Variants in DSCAM observed in about 807,000 individuals in gnomAD.
DSCAM encodes DS cell adhesion molecule.
In DSCAM, 47 loss-of-function variants were observed where a neutral mutation model predicts 217.7. That is an observed-to-expected ratio of 0.22 (90% CI 0.17 to 0.28). The LOEUF is 0.28. Ranked by LOEUF, DSCAM falls within the 10% of genes least tolerant of loss-of-function variation. The probability of loss-of-function intolerance (pLI) is 1.00; values close to 1 mark genes in which losing one functional copy is unlikely to be tolerated. For synonymous variants in DSCAM, 1,056 were observed against 1,015.3 expected (o/e 1.04, Z -0.76); for missense variants, 2,080 against 2,618.3 (o/e 0.79, Z 4.49).
intron 1 of DSCAM, among the ~76,000 whole-genome samples, chr21:40,783,558 T>C (rs1233188926): frequency 1.3e-5 from 2 of 152,078 alleles, no homozygotes; most frequent in Non-Finnish European, 2.9e-5. Flanking sequence ...GGACTTTAAT[T>C]GGGAAAGTAA....
chr21:40,106,208 T>A (rs955415516), intron 20 of DSCAM, among the ~76,000 whole-genome samples: 1 of 152,174 alleles, frequency 6.6e-6, no homozygotes. Flanking sequence ...TTCACTATCA[T>A]GAGAACAGCA....
At chr21:40,844,684 G>T in intron 1 of DSCAM, among the ~76,000 whole-genome samples, 1 of 151,154 alleles carries the variant, frequency 6.6e-6, no homozygotes, top group South Asian at 2.1e-4. Flanking sequence ...TTCTATGATT[G>T]TTTATTTTAG....
Position 40,133,923 on chromosome 21 carries a change from C to T in DSCAM, c.3493G>A (p.Val1165Met), listed in dbSNP as rs1459693958. The change falls in exon 19 of 33, where the codon GTG (valine) becomes ATG (methionine). Residue 1165 changes from valine (V) to methionine (M), a missense_variant. Around this residue, in one of 5 missense-constraint regions of DSCAM, gnomAD observed 1,144 missense variants for 1,421.1 expected, o/e 0.81. Coordinates refer to ENST00000400454, the MANE Select transcript of DSCAM (RefSeq NM_001389.5). Reference protein sequence around the residue: ...LEKYTNYSIQVLAFTRAGDGV... With the variant: ...LEKYTNYSIQMLAFTRAGDGV... ...TCTCCTGCGCGGGTGAAGGCCAGCA[C>T]CTGGATGCTGTAGTTGGTGTACTTT... The T allele has an allele frequency of 6.2e-7, 1 of 1,613,862 alleles. No homozygotes were observed. The highest frequency in any genetic ancestry group is 8.5e-7 in the Non-Finnish European group (1 of 1,179,878).
chr21:40,607,163 T>G (rs2089250678), intron 3 of DSCAM, among the ~76,000 whole-genome samples: 1 of 152,214 alleles, frequency 6.6e-6, no homozygotes, highest in Non-Finnish European at 1.5e-5. Flanking sequence ...CATTCTTACA[T>G]ACCTTTTCAG....
intron 1 of DSCAM, among the ~76,000 whole-genome samples, chr21:40,817,656 A>G (rs998580385): frequency 2.0e-5 from 3 of 152,186 alleles, no homozygotes; most frequent in Non-Finnish European, 4.4e-5. Flanking sequence ...AGACTTAAAA[A>G]TCTCTCCGAG....
intron 11 of DSCAM, among the ~76,000 whole-genome samples, chr21:40,226,345 C>T (rs773652656): frequency 2.6e-5 from 4 of 152,098 alleles, no homozygotes; most frequent in African/African-American, 7.2e-5. Context: ...AGTGGGTTCT[C>T]GGATTTTCTT....
At chr21:40,056,661 T>C (rs1322447026) in intron 28 of DSCAM, among the ~76,000 whole-genome samples, 1 of 152,184 alleles carries the variant, frequency 6.6e-6, no homozygotes, top group Admixed American at 6.5e-5. Flanking sequence ...CTTTACTAGA[T>C]GTTCAAATAG....
At chr21:40,146,449 G>A (rs564231738) in intron 16 of DSCAM, among the ~76,000 whole-genome samples, 7 of 152,252 alleles carry the variant, frequency 4.6e-5, no homozygotes, top group East Asian at 1.9e-4. Flanking sequence ...AGAAGGTTTC[G>A]AGCTGATGAA....
chr21:40,579,395 G>C (rs575520291), intron 3 of DSCAM, among the ~76,000 whole-genome samples: 13 of 152,096 alleles, frequency 8.5e-5, no homozygotes, highest in African/African-American at 2.9e-4. Flanking sequence ...TAGGCAATAT[G>C]AAAGAAAAGT....
At chr21:40,711,770 A>G (rs1195687567) in intron 1 of DSCAM, among the ~76,000 whole-genome samples, 2 of 152,184 alleles carry the variant, frequency 1.3e-5, no homozygotes, top group East Asian at 3.9e-4. Context: ...CTGAAGGTGC[A>G]TCCCACCTGA....
intron 3 of DSCAM, among the ~76,000 whole-genome samples, chr21:40,616,845 G>A (rs1400409881): frequency 6.6e-6 from 1 of 151,650 alleles, no homozygotes; most frequent in Non-Finnish European, 1.5e-5. Flanking sequence ...GTGAAACACC[G>A]ACTCTACTAA....
At chr21:40,533,621 C>T (rs8131579) in intron 3 of DSCAM, among the ~76,000 whole-genome samples, 3 of 140,666 alleles carry the variant, frequency 2.1e-5, no homozygotes, top group Non-Finnish European at 3.0e-5. Context: ...ATCCATCCAT[C>T]CATCCAACCC....
chr21:40,205,517 C>A (rs542007493), intron 11 of DSCAM, among the ~76,000 whole-genome samples: 2 of 151,160 alleles, frequency 1.3e-5, no homozygotes, highest in Non-Finnish European at 2.9e-5. Context: ...GCAGGAGAAT[C>A]GCTTAAACCC....
chr21:40,067,018 A>G (rs1206781734), intron 27 of DSCAM, among the ~76,000 whole-genome samples: 4 of 152,348 alleles, frequency 2.6e-5, no homozygotes, highest in African/African-American at 9.6e-5. Context: ...TGAAAATATA[A>G]TTAAGTCAAA....
At chr21:40,539,427 C>G (rs1451419764) in intron 3 of DSCAM, among the ~76,000 whole-genome samples, 1 of 151,492 alleles carries the variant, frequency 6.6e-6, no homozygotes, top group African/African-American at 2.4e-5. Flanking sequence ...ACCCGGGAGG[C>G]AGAGCTTGCA....
At chr21:40,249,652 A>C (rs1241785267) in intron 11 of DSCAM, among the ~76,000 whole-genome samples, 1 of 152,204 alleles carries the variant, frequency 6.6e-6, no homozygotes, top group Admixed American at 6.5e-5. Flanking sequence ...TTGTTCATGA[A>C]GGCAGCTGTC....
In DSCAM at chr21:40,267,753, G is replaced by A. The variant is rs569279025; in HGVS notation, c.2356+8344C>T. ...CTCTACTAAAATATAAAACTTAGACGGGCATGGTGGCAGGTGCCTGTAAGT... is the reference window on the plus strand; with the variant it reads ...CTCTACTAAAATATAAAACTTAGACAGGCATGGTGGCAGGTGCCTGTAAGT... On this transcript the variant is annotated intron_variant, in intron 11 of 32. Transcript: ENST00000400454. 9.2e-5 allele frequency among the ~76,000 whole-genome samples: 14 copies of A among 152,152 alleles called. 1 individual carries two copies. Among genetic ancestry groups the A allele is most frequent in the African/African-American group, 3.1e-4 (13 of 41,496 alleles).
At position 40,448,763 on chromosome 21, in the gene DSCAM, A is replaced by G. The variant is rs145135286; in HGVS notation, c.509-79518T>C. 6.8e-3 allele frequency among the ~76,000 whole-genome samples: 1,031 copies of G among 152,332 alleles called. 20 individuals are homozygous for G. Among genetic ancestry groups the G allele is most frequent in the African/African-American group, 0.024 (983 of 41,578 alleles). The stretch of plus-strand genomic sequence containing the variant: ...TTAGGAGTATATTCTCACAAAATCA[A>G]TTCAAAAATATAATTATGAGAGTTT... On this transcript the variant is annotated intron_variant, in intron 3 of 32. Coordinates refer to ENST00000400454, the MANE Select transcript of DSCAM (RefSeq NM_001389.5).
At chr21:40,445,790 A>C (rs2075669926) in intron 3 of DSCAM, among the ~76,000 whole-genome samples, 1 of 152,194 alleles carries the variant, frequency 6.6e-6, no homozygotes, top group Admixed American at 6.5e-5. Context: ...TTTGCAACTA[A>C]GACTATATAA....
Sources: allele counts gnomAD v4.1 joint callset (sites outside exome capture counted in the v4.1 genomes callset), GRCh38; gene constraint gnomAD v4.1.1; regional missense constraint gnomAD v4.1.1; transcripts MANE v1.5; gene names NCBI Gene and HGNC (gene_info 2026-07-23, HGNC 2026-07-21).